PHLPP1: variants seen among roughly 807,000 people sequenced by gnomAD.
PHLPP1 encodes PH domain and leucine rich repeat protein phosphatase 1, also known as PH domain leucine-rich repeat-containing protein phosphatase 1.
A neutral mutation model predicts 117.2 loss-of-function variants in PHLPP1; 42 were observed. That is an observed-to-expected ratio of 0.36 (90% CI 0.28 to 0.46). PHLPP1 has a LOEUF of 0.46. Among genes scored for constraint, PHLPP1 ranks in the 20% least tolerant of loss-of-function variants. The probability of loss-of-function intolerance (pLI) is 1.00; values close to 1 mark genes in which losing one functional copy is unlikely to be tolerated. For missense variants in PHLPP1, 2,084 were observed against 2,241.9 expected (o/e 0.93, Z 1.42); for synonymous variants, 1,042 against 970.7 (o/e 1.07, Z -1.37).
At chr18:62,938,401 TG>T (rs1910034481) in intron 10 of PHLPP1, among the ~76,000 whole-genome samples, 1 of 152,224 alleles carries the variant, frequency 6.6e-6, no homozygotes, top group Non-Finnish European at 1.5e-5. Flanking sequence ...TTGTTCGTTC[TG>T]GTGGAAGGAT....
At position 62,972,700 on chromosome 18, in the gene PHLPP1, C is replaced by T; in HGVS notation, c.3747C>T (p.Val1249=). 1.9e-6 allele frequency: 3 copies of T among 1,610,526 alleles called. No individual in the cohort carries two copies. The highest frequency in any genetic ancestry group is 2.5e-6 in the Non-Finnish European group (3 of 1,177,050). Residue 1249 remains valine, a synonymous_variant, in exon 15 of 17, where the codon GTC becomes GTT. Coordinates refer to ENST00000262719, the MANE Select transcript of PHLPP1 (RefSeq NM_194449.4). The part of the protein sequence containing the change: ...EEEYMVNTFI[V]MQRKLGTAGQ... Reference sequence around the variant, plus strand: ...AATACATGGTCAATACATTCATTGTCATGCAAAGGTAAAACTCAGAGTTCC... The same window carrying T: ...AATACATGGTCAATACATTCATTGTTATGCAAAGGTAAAACTCAGAGTTCC...
chr18:62,762,288 G>A (rs1397010080), intron 1 of PHLPP1, among the ~76,000 whole-genome samples: 1 of 149,670 alleles, frequency 6.7e-6, no homozygotes, highest in Non-Finnish European at 1.5e-5. Context: ...ATTATCGGCT[G>A]ACACTGAACC....
intron 1 of PHLPP1, among the ~76,000 whole-genome samples, chr18:62,753,188 C>T (rs34017257): frequency 0.052 from 7,905 of 152,232 alleles, 288 homozygotes; most frequent in Middle Eastern, 0.089. Context: ...TGAGGATATG[C>T]TGCACATTTT....
chr18:62,940,019 G>T (rs866015494), intron 10 of PHLPP1, among the ~76,000 whole-genome samples: 9 of 152,078 alleles, frequency 5.9e-5, no homozygotes, highest in Non-Finnish European at 1.2e-4. Flanking sequence ...TGGGGGCCAG[G>T]GGGAGGCATG....
At chr18:62,906,185 A>G (rs1916843140) in intron 8 of PHLPP1, 1 of 152,196 alleles carries the variant, frequency 6.6e-6, no homozygotes, top group African/African-American at 2.4e-5. Flanking sequence ...TTTGCCTTTT[A>G]TCTTGAGATT....
intron 15 of PHLPP1, among the ~76,000 whole-genome samples, chr18:62,974,751 A>G (rs1911141098): frequency 6.6e-6 from 1 of 152,212 alleles, no homozygotes; most frequent in South Asian, 2.1e-4. Flanking sequence ...TAAAAAGATA[A>G]ATCACAAGCA....
chr18:62,766,071 AAAAAAATATATATATATATAT>A (rs1912475993), intron 1 of PHLPP1, among the ~76,000 whole-genome samples: 1 of 56,906 alleles, frequency 1.8e-5, no homozygotes, highest in Non-Finnish European at 3.8e-5. Context: ...AAAAAAAAAA[AAAAAAATATATATATATATAT>A]ATATATATAT....
chr18:62,941,594 G>A lies in PHLPP1; in HGVS notation c.2961-124G>A, dbSNP rs558728216. ...TTGCTAATTGAACTCCTTGAAGCCA[G>A]GGCTTGTCTTTTCAATTCATGTTTC... On this transcript the variant is annotated intron_variant, in intron 10 of 16. Transcript: ENST00000262719. 4 of 674,120 alleles carry A rather than the reference G, an allele frequency of 5.9e-6. No homozygotes were observed. In the East Asian group the frequency reaches 1.1e-4, roughly 18 times the overall value. The allele number at this position is 674,120 out of a possible 1,614,324, so 41.8% of individuals were successfully genotyped here.
intron 14 of PHLPP1, among the ~76,000 whole-genome samples, chr18:62,964,087 T>C (rs1053685499): frequency 6.6e-6 from 1 of 152,188 alleles, no homozygotes; most frequent in Admixed American, 6.5e-5. Context: ...TCAGGCTTGC[T>C]TGTATTATAT....
intron 1 of PHLPP1, among the ~76,000 whole-genome samples, chr18:62,752,235 C>T (rs1911878647): frequency 6.6e-6 from 1 of 152,142 alleles, no homozygotes; most frequent in African/African-American, 2.4e-5. Flanking sequence ...GAGCACTGTG[C>T]CTGTCCAGGC....
chr18:62,795,824 G>T (rs1913615427), intron 1 of PHLPP1, among the ~76,000 whole-genome samples: 1 of 152,048 alleles, frequency 6.6e-6, no homozygotes, highest in Admixed American at 6.6e-5. Context: ...TTGATCAATT[G>T]CCTGGATTAT....
chr18:62,975,543 C>T lies in PHLPP1; in HGVS notation c.3902C>T (p.Pro1301Leu). The T allele has an allele frequency of 2.5e-6, 4 of 1,613,906 alleles. No individual in the cohort carries two copies. Among genetic ancestry groups the T allele is most frequent in the South Asian group, 1.1e-5 (1 of 91,070 alleles). ...CQTVLCRNGKPLPLSRSYIMS... is the reference protein window; with the variant it reads ...CQTVLCRNGKLLPLSRSYIMS... ...ACAGTTCTCTGTCGAAATGGAAAGC[C>T]GCTGCCTCTGTCCAGATCTTACATC... Residue 1301 changes from proline (P) to leucine (L), a missense_variant, in exon 16 of 17, where the codon CCG becomes CTG. Transcript: ENST00000262719.
chr18:62,884,610 C>T (rs1303081083), intron 4 of PHLPP1, among the ~76,000 whole-genome samples: 1 of 152,226 alleles, frequency 6.6e-6, no homozygotes, highest in East Asian at 1.9e-4. Context: ...TCCTTCATTA[C>T]TTAATACTGA....
At chr18:62,913,575 C>T (rs1461819655) in intron 8 of PHLPP1, among the ~76,000 whole-genome samples, 1 of 152,020 alleles carries the variant, frequency 6.6e-6, no homozygotes, top group Admixed American at 6.6e-5. Flanking sequence ...TCATAATGTA[C>T]GTACTGTTTG....
At chr18:62,912,135 C>G (rs1295377294) in intron 8 of PHLPP1, among the ~76,000 whole-genome samples, 1 of 115,584 alleles carries the variant, frequency 8.7e-6, no homozygotes, top group East Asian at 2.5e-4. Flanking sequence ...GGGAATATCA[C>G]ACTCTGGGGA....
chr18:62,967,063 T>C (rs1028501776), intron 14 of PHLPP1, among the ~76,000 whole-genome samples: 2 of 152,262 alleles, frequency 1.3e-5, no homozygotes, highest in African/African-American at 4.8e-5. Flanking sequence ...TCGTTTCTTT[T>C]CATTGCTTTT....
At chr18:62,906,750 G>C (rs1916861055) in intron 8 of PHLPP1, among the ~76,000 whole-genome samples, 2 of 3,392 alleles carry the variant, frequency 5.9e-4, no homozygotes, top group African/African-American at 2.7e-3. Flanking sequence ...CCATTGCCCA[G>C]GCTTGCTTAG....
chr18:62,746,456 G>A (rs1346388178), intron 1 of PHLPP1, among the ~76,000 whole-genome samples: 1 of 152,120 alleles, frequency 6.6e-6, no homozygotes, highest in Non-Finnish European at 1.5e-5. Flanking sequence ...CCTTTTCTGC[G>A]TGTTGCCTTT....
At chr18:62,957,995 A>C (rs1013407172) in intron 12 of PHLPP1, among the ~76,000 whole-genome samples, 4 of 151,648 alleles carry the variant, frequency 2.6e-5, no homozygotes, top group Non-Finnish European at 4.4e-5. Context: ...GATGTGAGCC[A>C]CTGTGCCCGG....
Sources: allele counts gnomAD v4.1 joint callset (sites outside exome capture counted in the v4.1 genomes callset), GRCh38; gene constraint gnomAD v4.1.1; transcripts MANE v1.5; gene names NCBI Gene and HGNC (gene_info 2026-07-23, HGNC 2026-07-21).